The following CEACAM20 variants were observed in gnomAD, a reference collection of about 807,000 sequenced individuals.
The protein encoded by CEACAM20 is cell adhesion molecule CEACAM20.
In CEACAM20, 50 loss-of-function variants were observed where a neutral mutation model predicts 61.2. The ratio of observed to expected loss-of-function variants is 0.82; its 90% CI spans 0.65 to 1.03. CEACAM20 has a LOEUF of 1.03. CEACAM20 is among the 50% of genes least tolerant of loss of function. CEACAM20 has a pLI of 0.00. For synonymous variants in CEACAM20, 282 were observed against 287.7 expected, an observed-to-expected ratio of 0.98 and a Z score of 0.20; for missense variants, 683 against 736.4, an observed-to-expected ratio of 0.93 and a Z score of 0.84.
intron 1 of CEACAM20, 108 bp from the exon 2 acceptor site, chr19:44,525,352 C>T (rs1024331217): frequency 1.9e-6 from 2 of 1,056,012 alleles, no homozygotes; most frequent in Non-Finnish European, 1.3e-6. Context: ...ACTGGCATTC[C>T]ACCCACAGAG....
chr19:44,529,610 C>T lies in CEACAM20; in HGVS notation c.-101G>A, dbSNP rs1473758023. 9.9e-6 allele frequency: 9 copies of T among 904,704 alleles called. No homozygotes were observed. The East Asian group carries it at 2.3e-4, about 23-fold the overall frequency. 56.0% of individuals were successfully genotyped at this position (904,704 alleles called of 1,614,324 possible). A position where few individuals can be genotyped will look rare whatever the true frequency, so the allele number is the denominator to read the frequency against. ...CAGGTGCAGCCCCTCCACCTCCCTT[C>T]TCTCCTCTCCCACCCTGCTACAAAC... On this transcript the variant is annotated 5_prime_UTR_variant, in exon 1 of 12. Transcript: ENST00000614924.
At chr19:44,524,360 A>G in intron 2 of CEACAM20, 99 bp from the exon 3 acceptor site, 1 of 1,313,016 alleles carries the variant, frequency 7.6e-7, no homozygotes, top group Non-Finnish European at 1.1e-6. Flanking sequence ...ACTAGATTGG[A>G]ATTGCCAGAA....
chr19:44,512,124 A>G (rs1394124674), intron 8 of CEACAM20, 46 bp from the exon 9 acceptor site: 3 of 1,480,192 alleles, frequency 2.0e-6, no homozygotes, highest in African/African-American at 1.4e-5. Flanking sequence ...CGAAAGAGAT[A>G]TGGGGCAAGG....
chr19:44,508,907 T>A (rs1044323991), intron 11 of CEACAM20, among the ~76,000 whole-genome samples: 2 of 152,246 alleles, frequency 1.3e-5, no homozygotes, highest in African/African-American at 4.8e-5. Context: ...TAGTGTTGTA[T>A]ATAAACTGCT....
rs1239810120 is a variant in CEACAM20 at position 44,524,233 on chromosome 19, G to C, written c.225C>G (p.Ser75Arg). The C allele has an allele frequency of 6.2e-7, 1 of 1,613,658 alleles. No individual in the cohort carries two copies. The highest frequency in any genetic ancestry group is 8.5e-7 in the Non-Finnish European group (1 of 1,179,762). Residue 75 changes from serine to arginine, a missense_variant, in exon 3 of 12, where the codon AGC becomes AGG. Coordinates refer to ENST00000614924, the MANE Select transcript of CEACAM20 (RefSeq NM_001102597.3). ...CCTTCTGCTCTATGGCAGTGCCTGG[G>C]CTGACTGCAATGGAGGGTTTGGCCA... is the stretch of plus-strand genomic sequence containing the variant. Reference protein sequence around the residue: ...RELAKPSIAVSPGTAIEQKDM... With the variant: ...RELAKPSIAVRPGTAIEQKDM...
intron 8 of CEACAM20, among the ~76,000 whole-genome samples, chr19:44,512,513 C>A (rs1389014180): frequency 6.6e-6 from 1 of 152,100 alleles, no homozygotes; most frequent in Admixed American, 6.5e-5. Context: ...AGAGGGCACT[C>A]GAGGCACTCT....
chr19:44,522,801 G>A lies in CEACAM20; in HGVS notation c.584C>T (p.Pro195Leu), dbSNP rs968916812. The part of the protein sequence containing the change: ...MTFLAETKSH[P>L]PCAYTWFLLD... ...GAGAAACCAAGTATAGGCACAGGGT[G>A]GGTGAGACTTTGTTTCCGCTAAGAA... is the stretch of plus-strand genomic sequence containing the variant. Residue 195 changes from proline (P) to leucine (L), a missense_variant, in exon 4 of 12, where the codon CCA (proline) becomes CTA (leucine). Coordinates refer to ENST00000614924, the MANE Select transcript of CEACAM20 (RefSeq NM_001102597.3). The A allele has an allele frequency of 1.9e-6, 3 of 1,613,628 alleles. No individual in the cohort carries two copies. The highest frequency in any genetic ancestry group is 2.5e-6 in the Non-Finnish European group (3 of 1,179,790).
chr19:44,513,559 C>T (rs751655500), intron 6 of CEACAM20, among the ~76,000 whole-genome samples: 2 of 151,162 alleles, frequency 1.3e-5, no homozygotes, highest in Non-Finnish European at 2.9e-5. Flanking sequence ...ACCTCAGCCT[C>T]CCCTAGTAGC....
chr19:44,518,086 G>T, intron 5 of CEACAM20, among the ~76,000 whole-genome samples: 1 of 97,542 alleles, frequency 1.0e-5, no homozygotes, highest in South Asian at 3.6e-4. Context: ...AAAGAGGAAA[G>T]AAAGAAAGAA....
intron 11 of CEACAM20, among the ~76,000 whole-genome samples, chr19:44,509,969 G>A (rs1436645788): frequency 6.6e-6 from 1 of 152,054 alleles, no homozygotes; most frequent in Non-Finnish European, 1.5e-5. Flanking sequence ...ATGGAAATAA[G>A]AAGACTGAAA....
intron 11 of CEACAM20, among the ~76,000 whole-genome samples, chr19:44,509,302 A>T (rs1970904444): frequency 1.3e-5 from 2 of 152,104 alleles, no homozygotes; most frequent in Non-Finnish European, 2.9e-5. Context: ...GAAATTAGAG[A>T]AAAGTAATAT....
intron 5 of CEACAM20, among the ~76,000 whole-genome samples, chr19:44,518,806 G>A (rs555993866): frequency 6.6e-6 from 1 of 151,870 alleles, no homozygotes; most frequent in African/African-American, 2.4e-5. Context: ...CCCCATCCCA[G>A]TCTCATCCTC....
chr19:44,524,472 G>C (rs1971468179), intron 2 of CEACAM20, among the ~76,000 whole-genome samples: 1 of 152,164 alleles, frequency 6.6e-6, no homozygotes, highest in Non-Finnish European at 1.5e-5. Context: ...CCCATTGAAA[G>C]TGATTGTGCA....
At chr19:44,515,322 A>G (rs1391272165) in intron 6 of CEACAM20, among the ~76,000 whole-genome samples, 2 of 152,146 alleles carry the variant, frequency 1.3e-5, no homozygotes, top group East Asian at 3.9e-4. Flanking sequence ...TTCAAATCCT[A>G]CAATATCCCC....
At chr19:44,510,956 C>G (rs77673324) in intron 11 of CEACAM20, 74 bp downstream of exon 11, 28,499 of 1,586,334 alleles carry the variant, frequency 0.018, 355 homozygotes, top group Admixed American at 0.021. Context: ...CCTACAGACT[C>G]TTTAGTAGGG....
chr19:44,522,944 A>C (rs1406350829), intron 3 of CEACAM20, 32 bp from the exon 4 acceptor site: 3 of 1,564,996 alleles, frequency 1.9e-6, no homozygotes, highest in Non-Finnish European at 2.6e-6. Context: ...CAGCAGTAAC[A>C]ACAGCATCAG....
Position 44,520,735 on chromosome 19 carries a change from G to C in CEACAM20, c.769C>G (p.Gln257Glu), listed in dbSNP as rs567439171. The change falls in exon 5 of 12, where the codon CAA (glutamine) becomes GAA (glutamate). Residue 257 changes from glutamine (Q) to glutamate (E), a missense_variant. Transcript: ENST00000614924. ...AGGTTCAGGCTTGAAGGCACGACTT[G>C]AGGCATGGTCAGTGTTTCTGGAAAC... ...VRVLETLTMP[Q>E]VVPSSLNLVE... The C allele has an allele frequency of 3.1e-6, 5 of 1,613,288 alleles. No homozygotes were observed. The South Asian group carries it at 4.4e-5, about 14-fold the overall frequency.
At chr19:44,511,200 T>G in intron 10 of CEACAM20, 45 bp from the exon 11 acceptor site, 1 of 1,606,976 alleles carries the variant, frequency 6.2e-7, no homozygotes, top group Non-Finnish European at 8.5e-7. Context: ...AGACACAGAT[T>G]GCCAGGAATG....
At chr19:44,525,334 G>A (rs1971498081) in intron 1 of CEACAM20, 90 bp from the exon 2 acceptor site, 3 of 1,294,790 alleles carry the variant, frequency 2.3e-6, no homozygotes, top group Non-Finnish European at 3.1e-6. Flanking sequence ...GAGCTCTGAG[G>A]CCATAGGACT....
Sources: gnomAD v4.1 joint callset for allele counts (sites outside exome capture counted in the v4.1 genomes callset) on GRCh38, gnomAD v4.1.1 for gene constraint, MANE v1.5 for transcripts, NCBI Gene and HGNC (gene_info 2026-07-23, HGNC 2026-07-21) for gene names.